The following LARGE1 variants were observed in gnomAD, a reference collection of about 807,000 sequenced individuals.
LARGE1 encodes xylosyl- and glucuronyltransferase LARGE1.
Under a neutral mutation model 87.6 loss-of-function variants are expected in LARGE1, and 43 were observed. The ratio of observed to expected loss-of-function variants is 0.49; its 90% confidence interval spans 0.38 to 0.63. LARGE1 has a LOEUF of 0.63. Ranked by LOEUF, LARGE1 falls within the 30% of genes least tolerant of loss-of-function variation. The probability of loss-of-function intolerance (pLI) is 0.00; values close to 1 mark genes in which losing one functional copy is unlikely to be tolerated. For synonymous variants in LARGE1, 434 were observed against 394.6 expected (o/e 1.10, Z -1.18); for missense variants, 802 against 1,000.2 (o/e 0.80, Z 2.67).
At chr22:33,775,589 T>C (rs2085208778) in intron 1 of LARGE1, among the ~76,000 whole-genome samples, 1 of 152,146 alleles carries the variant, frequency 6.6e-6, no homozygotes, top group African/African-American at 2.4e-5. Flanking sequence ...CAGTGGCTCA[T>C]GCCTGTAATC....
Position 33,836,947 on chromosome 22 carries a change from C to T in LARGE1, c.-82-75389G>A, listed in dbSNP as rs556236121. Reference sequence around the variant, plus strand: ...CAGTTTACCATGAACATACTGAGAACGAAAAGGGAGATGGGTCGTGCATGA... The same window carrying T: ...CAGTTTACCATGAACATACTGAGAATGAAAAGGGAGATGGGTCGTGCATGA... On this transcript the variant is annotated intron_variant, in intron 1 of 14. Coordinates refer to ENST00000397394, the MANE Select transcript of LARGE1 (RefSeq NM_133642.5). 7.9e-5 allele frequency among the ~76,000 whole-genome samples: 12 copies of T among 152,134 alleles called. No individual in the cohort carries two copies. In the East Asian group the frequency reaches 1.4e-3, roughly 17 times the overall value.
upstream of LARGE1, chr22:33,922,460 T>A (rs577832821): frequency 6.2e-4 from 95 of 152,200 alleles, no homozygotes; most frequent in Non-Finnish European, 1.0e-3. Context: ...TTGCCCCGGC[T>A]CCGGAGCGCT....
chr22:33,462,861 G>C (rs553513665), intron 6 of LARGE1, among the ~76,000 whole-genome samples: 1 of 152,156 alleles, frequency 6.6e-6, no homozygotes, highest in South Asian at 2.1e-4. Context: ...GAATAAAATA[G>C]AACAAGCAAA....
chr22:33,192,601 T>G (rs1476728967), intron 11 of LARGE1, among the ~76,000 whole-genome samples: 1 of 152,224 alleles, frequency 6.6e-6, no homozygotes, highest in Admixed American at 6.5e-5. Context: ...AACAAATATT[T>G]TCTTCCATTC....
At position 33,821,929 on chromosome 22, in the gene LARGE1, T is replaced by TTCCG. The variant is rs2086836010; in HGVS notation, c.-82-60375_-82-60372dup. On this transcript the variant is annotated intron_variant, in intron 1 of 14. Coordinates refer to ENST00000397394, the MANE Select transcript of LARGE1 (RefSeq NM_133642.5). The stretch of plus-strand genomic sequence containing the variant: ...AACAGTGATGTCCCAATCACTCAGG[T>TTCCG]TCCGTTTAAGTGACTTTTTTAGGTT... 2.0e-5 allele frequency among the ~76,000 whole-genome samples: 3 copies of TTCCG among 150,518 alleles called. No homozygotes were observed. In the South Asian group the frequency reaches 6.4e-4, roughly 32 times the overall value.
intron 11 of LARGE1, chr22:33,221,716 C>T (rs554798659): frequency 3.9e-5 from 6 of 152,200 alleles, no homozygotes; most frequent in Non-Finnish European, 7.3e-5. Flanking sequence ...TTTCCATTCC[C>T]GCCTCTACTT....
chr22:33,601,054 A>G (rs1208102637), intron 5 of LARGE1, among the ~76,000 whole-genome samples: 1 of 152,128 alleles, frequency 6.6e-6, no homozygotes, highest in Admixed American at 6.5e-5. Flanking sequence ...TGGGCGACAG[A>G]GCAAGACTCT....
At chr22:33,863,523 C>T (rs1045563907) in intron 1 of LARGE1, among the ~76,000 whole-genome samples, 6 of 150,878 alleles carry the variant, frequency 4.0e-5, no homozygotes, top group Admixed American at 1.3e-4. Flanking sequence ...ACTGGGAGGC[C>T]GAGGTGGGCG....
At chr22:33,712,682 G>C (rs1287732131) in intron 2 of LARGE1, among the ~76,000 whole-genome samples, 4 of 142,836 alleles carry the variant, frequency 2.8e-5, no homozygotes, top group African/African-American at 5.2e-5. Flanking sequence ...GTGTGTGTGT[G>C]TGTCTGCATG....
In LARGE1 at chr22:33,400,966, C is replaced by T. The variant is rs568849087; in HGVS notation, c.893-16662G>A. 4.7e-4 allele frequency among the ~76,000 whole-genome samples: 71 copies of T among 152,310 alleles called. 1 individual carries two copies. Among genetic ancestry groups the T allele is most frequent in the African/African-American group, 1.7e-3 (71 of 41,556 alleles). On this transcript the variant is annotated intron_variant, in intron 7 of 14. Coordinates refer to ENST00000397394, the MANE Select transcript of LARGE1 (RefSeq NM_133642.5). ...TCCCAGGTCCATACTCTGCCCTTCTCTGTGCCCTGGGATCACCTGGCATCC... is the reference window on the plus strand; with the variant it reads ...TCCCAGGTCCATACTCTGCCCTTCTTTGTGCCCTGGGATCACCTGGCATCC...
At chr22:33,685,366 T>G (rs1369704713) in intron 2 of LARGE1, among the ~76,000 whole-genome samples, 2 of 152,196 alleles carry the variant, frequency 1.3e-5, no homozygotes, top group Non-Finnish European at 2.9e-5. Flanking sequence ...CAACCTGTAG[T>G]CAAATGTGCA....
chr22:33,868,965 C>T (rs2064191487), intron 1 of LARGE1, among the ~76,000 whole-genome samples: 1 of 152,144 alleles, frequency 6.6e-6, no homozygotes. Flanking sequence ...GCAGGACTGG[C>T]TGATTCCAAA....
At chr22:33,232,793 C>T (rs1309706033) in intron 11 of LARGE1, among the ~76,000 whole-genome samples, 4 of 152,118 alleles carry the variant, frequency 2.6e-5, no homozygotes, top group East Asian at 1.9e-4. Flanking sequence ...GGGGGAGTAA[C>T]GGCAGCCATT....
chr22:33,447,542 T>G (rs961311980), intron 6 of LARGE1, among the ~76,000 whole-genome samples: 2 of 152,164 alleles, frequency 1.3e-5, no homozygotes, highest in Non-Finnish European at 2.9e-5. Flanking sequence ...CACGTCCCAA[T>G]GCACAGCCTC....
At chr22:33,390,236 A>G (rs980047114) in intron 7 of LARGE1, among the ~76,000 whole-genome samples, 1 of 152,210 alleles carries the variant, frequency 6.6e-6, no homozygotes, top group African/African-American at 2.4e-5. Flanking sequence ...AGACAAAAAC[A>G]TTCATGAGCA....
rs114890783 is a variant in LARGE1 at position 33,530,647 on chromosome 22, G to A, written c.787+34201C>T. Among the ~76,000 whole-genome samples, 729 of 152,214 alleles carry A rather than the reference G, an allele frequency of 4.8e-3. 1 individual carries two copies. The highest frequency in any genetic ancestry group is 0.015 in the African/African-American group (642 of 41,520). The stretch of plus-strand genomic sequence containing the variant: ...GCATTTAGAAGCTAGGCATAGTTGC[G>A]CTCTGAGGACCATGTCCCATGAGGA... On this transcript the variant is annotated intron_variant, in intron 6 of 14. Coordinates refer to ENST00000397394, the MANE Select transcript of LARGE1 (RefSeq NM_133642.5).
intron 1 of LARGE1, among the ~76,000 whole-genome samples, chr22:33,894,787 A>C (rs547902472): frequency 6.6e-6 from 1 of 152,210 alleles, no homozygotes; most frequent in East Asian, 1.9e-4. Flanking sequence ...AGGCACCATG[A>C]CAGCCACCTC....
At chr22:33,445,566 C>G (rs1044658642) in intron 6 of LARGE1, among the ~76,000 whole-genome samples, 6 of 151,842 alleles carry the variant, frequency 4.0e-5, no homozygotes, top group East Asian at 3.9e-4. Context: ...TTTGTCCCTC[C>G]TTGATCACTG....
At chr22:33,228,205 C>T (rs1177882124) in intron 11 of LARGE1, among the ~76,000 whole-genome samples, 1 of 152,216 alleles carries the variant, frequency 6.6e-6, no homozygotes. Flanking sequence ...CACTGCCTGG[C>T]ACATAGGTAA....
Sources: gnomAD v4.1 joint callset for allele counts (sites outside exome capture counted in the v4.1 genomes callset) on GRCh38, gnomAD v4.1.1 for gene constraint, MANE v1.5 for transcripts, NCBI Gene and HGNC (gene_info 2026-07-23, HGNC 2026-07-21) for gene names.